Variants in ADAM23 observed in about 807,000 individuals in gnomAD.
ADAM23 encodes disintegrin and metalloproteinase domain-containing protein 23.
In ADAM23, 33 loss-of-function variants were observed where a neutral mutation model predicts 120.1. The observed-to-expected ratio is 0.27, with a 90% CI of 0.21 to 0.37. The LOEUF is 0.37. Ranked by LOEUF, ADAM23 falls within the 10% of genes least tolerant of loss-of-function variation. The probability of loss-of-function intolerance (pLI) is 1.00; values close to 1 mark genes in which losing one functional copy is unlikely to be tolerated. For missense variants in ADAM23, 862 were observed against 1,058.2 expected, an observed-to-expected ratio of 0.81 and a Z score of 2.57; for synonymous variants, 367 against 375.2, an observed-to-expected ratio of 0.98 and a Z score of 0.25.
chr2:206,596,468 C>T (rs938930251), intron 24 of ADAM23, among the ~76,000 whole-genome samples: 16 of 152,150 alleles, frequency 1.1e-4, no homozygotes, highest in Non-Finnish European at 1.8e-4. Flanking sequence ...AATTATTTTG[C>T]AGTTCGTCTA....
At chr2:206,498,977 A>G (rs919689891) in intron 3 of ADAM23, among the ~76,000 whole-genome samples, 20 of 152,208 alleles carry the variant, frequency 1.3e-4, no homozygotes, top group Non-Finnish European at 2.8e-4. Flanking sequence ...AATGGCGATC[A>G]TTAAAAAGTC....
chr2:206,524,680 A>G (rs1314088634), intron 3 of ADAM23, among the ~76,000 whole-genome samples: 1 of 152,206 alleles, frequency 6.6e-6, no homozygotes, highest in Non-Finnish European at 1.5e-5. Context: ...TTCCCCTTAT[A>G]AAACATCAGA....
chr2:206,574,047 C>T (rs1698062861), intron 18 of ADAM23, among the ~76,000 whole-genome samples: 1 of 152,008 alleles, frequency 6.6e-6, no homozygotes, highest in Non-Finnish European at 1.5e-5. Flanking sequence ...TACTTTTGCA[C>T]CAACCAAATA....
In ADAM23 at chr2:206,618,048, G is replaced by T. The variant is rs1490805216; in HGVS notation, c.*421G>T. On this transcript the variant is annotated 3_prime_UTR_variant, in exon 26 of 26. Coordinates refer to ENST00000264377, the MANE Select transcript of ADAM23 (RefSeq NM_003812.4). ...TGATTTTTTTTTCTTTACTACCGAT[G>T]ACAAACTCCAGTGGCATGAAGATCT... is the stretch of plus-strand genomic sequence containing the variant. 4 of 158,624 alleles carry T rather than the reference G, an allele frequency of 2.5e-5. No individual in the cohort carries two copies. Among genetic ancestry groups the T allele is most frequent in the Non-Finnish European group, 5.5e-5 (4 of 72,480 alleles). The allele number at this position is 158,624 out of a possible 1,614,324, so 9.8% of individuals were successfully genotyped here.
intron 25 of ADAM23, among the ~76,000 whole-genome samples, chr2:206,615,439 A>AT (rs1325114029): frequency 1.3e-5 from 2 of 152,140 alleles, no homozygotes; most frequent in East Asian, 1.9e-4. Context: ...CTGAAAGAAT[A>AT]TTTTTTTCAT....
chr2:206,501,797 GA>G (rs1347599760), intron 3 of ADAM23, among the ~76,000 whole-genome samples: 2 of 152,022 alleles, frequency 1.3e-5, no homozygotes, highest in African/African-American at 4.8e-5. Context: ...CAAATGAATT[GA>G]AGTTAATACT....
chr2:206,589,091 A>G (rs1206455805), intron 20 of ADAM23, among the ~76,000 whole-genome samples: 1 of 152,194 alleles, frequency 6.6e-6, no homozygotes, highest in Non-Finnish European at 1.5e-5. Context: ...CGCACCTTCC[A>G]TCCTCAAACT....
At chr2:206,540,422 T>C (rs1416886520) in intron 4 of ADAM23, among the ~76,000 whole-genome samples, 3 of 152,088 alleles carry the variant, frequency 2.0e-5, no homozygotes, top group Non-Finnish European at 2.9e-5. Context: ...ATGTGCAGAT[T>C]TGGGAAATAT....
chr2:206,453,014 C>T (rs151265968), intron 2 of ADAM23, among the ~76,000 whole-genome samples: 2 of 152,342 alleles, frequency 1.3e-5, no homozygotes, highest in East Asian at 3.9e-4. Flanking sequence ...CTCCCTTTAT[C>T]CACATTCAGC....
Position 206,550,169 on chromosome 2 carries a change from A to T in ADAM23, c.933+9A>T. On this transcript the variant is annotated intron_variant, in intron 9 of 25. Coordinates refer to ENST00000264377, the MANE Select transcript of ADAM23 (RefSeq NM_003812.4). ...TTAATGATCACAAAACGGTAAGAATATAGAGTCAGTGGGTTTTAGAACAGA... is the reference window on the plus strand; with the variant it reads ...TTAATGATCACAAAACGGTAAGAATTTAGAGTCAGTGGGTTTTAGAACAGA... 6.5e-7 allele frequency: 1 copy of T among 1,539,132 alleles called. No individual in the cohort carries two copies. Among genetic ancestry groups the T allele is most frequent in the Middle Eastern group, 1.7e-4 (1 of 5,864 alleles).
intron 24 of ADAM23, among the ~76,000 whole-genome samples, chr2:206,605,103 T>G (rs1349160927): frequency 1.3e-5 from 2 of 152,216 alleles, no homozygotes; most frequent in Admixed American, 6.5e-5. Flanking sequence ...GTTATTCAGA[T>G]TCTCACTCTG....
At chr2:206,479,820 AT>A (rs1449391099) in intron 2 of ADAM23, among the ~76,000 whole-genome samples, 1 of 151,958 alleles carries the variant, frequency 6.6e-6, no homozygotes, top group Non-Finnish European at 1.5e-5. Flanking sequence ...CTTGTTTCTC[AT>A]TGTTCTGTAT....
chr2:206,497,531 C>T (rs1374990315), intron 3 of ADAM23, among the ~76,000 whole-genome samples: 1 of 152,148 alleles, frequency 6.6e-6, no homozygotes, highest in African/African-American at 2.4e-5. Context: ...CTATGACAAA[C>T]CCACAGCCAA....
At chr2:206,452,284 A>G (rs1695211058) in intron 2 of ADAM23, among the ~76,000 whole-genome samples, 1 of 152,204 alleles carries the variant, frequency 6.6e-6, no homozygotes, top group Non-Finnish European at 1.5e-5. Context: ...CCATTTTTGG[A>G]CATTTCATCC....
intron 2 of ADAM23, among the ~76,000 whole-genome samples, chr2:206,470,176 T>C (rs1390342879): frequency 1.3e-5 from 2 of 152,134 alleles, no homozygotes; most frequent in African/African-American, 4.8e-5. Context: ...AATGATTTCA[T>C]GTATGATGTA....
At chr2:206,550,214 T>A in intron 9 of ADAM23, 54 bp downstream of exon 9, 1 of 1,093,266 alleles carries the variant, frequency 9.1e-7, no homozygotes, top group Non-Finnish European at 1.3e-6. Context: ...TAAGAAAGAA[T>A]ACATTTTACT....
intron 4 of ADAM23, among the ~76,000 whole-genome samples, chr2:206,535,272 G>A (rs1697150699): frequency 6.6e-6 from 1 of 152,198 alleles, no homozygotes; most frequent in South Asian, 2.1e-4. Flanking sequence ...TCATACCTAT[G>A]AGGATGGCTA....
chr2:206,454,510 C>G (rs887555611), intron 2 of ADAM23, among the ~76,000 whole-genome samples: 3 of 152,202 alleles, frequency 2.0e-5, no homozygotes, highest in Non-Finnish European at 2.9e-5. Context: ...GTTCTTCTCA[C>G]ATTTCAAAAC....
At chr2:206,450,391 T>G (rs1466984567) in intron 2 of ADAM23, among the ~76,000 whole-genome samples, 2 of 152,232 alleles carry the variant, frequency 1.3e-5, no homozygotes, top group African/African-American at 4.8e-5. Context: ...AATTCAGGCT[T>G]GTAATGATTT....
Sources: gnomAD v4.1 joint callset for allele counts (sites outside exome capture counted in the v4.1 genomes callset) on GRCh38, gnomAD v4.1.1 for gene constraint, MANE v1.5 for transcripts, NCBI Gene and HGNC (gene_info 2026-07-23, HGNC 2026-07-21) for gene names.